GAB1: variants seen among roughly 807,000 people sequenced by gnomAD.
The protein encoded by GAB1 is GRB2-associated-binding protein 1.
In GAB1, 19 loss-of-function variants were observed where a neutral mutation model predicts 66.5. The observed-to-expected ratio is 0.29, with a 90% CI of 0.20 to 0.42. The LOEUF is 0.42. Among genes scored for constraint, GAB1 ranks in the 10% least tolerant of loss-of-function variants. The probability of loss-of-function intolerance (pLI) is 1.00; values close to 1 mark genes in which losing one functional copy is unlikely to be tolerated. For missense variants in GAB1, 732 were observed against 858.5 expected, an observed-to-expected ratio of 0.85 and a Z score of 1.84; for synonymous variants, 294 against 301.4, an observed-to-expected ratio of 0.98 and a Z score of 0.25.
chr4:143,460,044 T>C (rs1735405039), intron 7 of GAB1, among the ~76,000 whole-genome samples: 1 of 152,024 alleles, frequency 6.6e-6, no homozygotes, highest in Non-Finnish European at 1.5e-5. Flanking sequence ...TGTGTGTATA[T>C]AGTTTTTAAA....
chr4:143,344,112 G>T (rs554550425), intron 1 of GAB1, among the ~76,000 whole-genome samples: 2 of 152,212 alleles, frequency 1.3e-5, no homozygotes, highest in Non-Finnish European at 2.9e-5. Context: ...GTTTACAACA[G>T]AGAGGGAGCA....
intron 2 of GAB1, among the ~76,000 whole-genome samples, chr4:143,428,687 A>G (rs1733490762): frequency 6.6e-6 from 1 of 152,106 alleles, no homozygotes; most frequent in Non-Finnish European, 1.5e-5. Flanking sequence ...AAAAACAACT[A>G]ATGGGTCTAG....
intron 1 of GAB1, among the ~76,000 whole-genome samples, chr4:143,412,180 A>G (rs1025222039): frequency 9.2e-5 from 14 of 152,148 alleles, no homozygotes; most frequent in African/African-American, 3.4e-4. Context: ...GATGGGGGGG[A>G]GCCACAGTTA....
At chr4:143,411,714 T>C (rs1732401795) in intron 1 of GAB1, among the ~76,000 whole-genome samples, 1 of 152,236 alleles carries the variant, frequency 6.6e-6, no homozygotes, top group Non-Finnish European at 1.5e-5. Flanking sequence ...GCTTTTGTGC[T>C]GTGATTAGCA....
At chr4:143,436,183 A>G (rs936096883) in intron 3 of GAB1, among the ~76,000 whole-genome samples, 1 of 152,216 alleles carries the variant, frequency 6.6e-6, no homozygotes, top group Admixed American at 6.5e-5. Context: ...AACTACACCT[A>G]GTTGGTGAGA....
At chr4:143,339,288 C>T (rs1217065226) in intron 1 of GAB1, among the ~76,000 whole-genome samples, 1 of 152,162 alleles carries the variant, frequency 6.6e-6, no homozygotes, top group Non-Finnish European at 1.5e-5. Context: ...AGGCCGAGGC[C>T]AGTGGATCAC....
intron 1 of GAB1, among the ~76,000 whole-genome samples, chr4:143,410,049 C>CT (rs924263767): frequency 9.4e-4 from 133 of 142,172 alleles, no homozygotes; most frequent in East Asian, 4.9e-3. Context: ...AAACCCCAAG[C>CT]TTTTTTTTTT....
chr4:143,423,792 GTATATATATATATATATA>G (rs35559967), intron 2 of GAB1, among the ~76,000 whole-genome samples: 3,304 of 67,758 alleles, frequency 0.049, 172 homozygotes, highest in Middle Eastern at 0.12. Flanking sequence ...AAAAAAAAGT[GTATATATATATATATATA>G]TATATATATA....
chr4:143,395,186 T>C (rs1199549159), intron 1 of GAB1: 1 of 152,254 alleles, frequency 6.6e-6, no homozygotes, highest in African/African-American at 2.4e-5. Context: ...ATTTTTAGCA[T>C]TTATAGAATT....
At chr4:143,446,157 T>A (rs1232428744) in intron 6 of GAB1, among the ~76,000 whole-genome samples, 1 of 151,960 alleles carries the variant, frequency 6.6e-6, no homozygotes, top group Non-Finnish European at 1.5e-5. Flanking sequence ...TATTCCATGG[T>A]GTATATGTGC....
At chr4:143,347,044 A>G (rs981436901) in intron 1 of GAB1, among the ~76,000 whole-genome samples, 7 of 152,258 alleles carry the variant, frequency 4.6e-5, no homozygotes, top group African/African-American at 1.7e-4. Flanking sequence ...GTTGATTTTC[A>G]TAGTGACCCA....
intron 6 of GAB1, among the ~76,000 whole-genome samples, chr4:143,455,017 G>A (rs1048614916): frequency 1.3e-5 from 2 of 151,912 alleles, no homozygotes; most frequent in Admixed American, 1.3e-4. Context: ...TTCATAGGCC[G>A]TGATCATTCT....
At chr4:143,355,475 A>C (rs954059100) in intron 1 of GAB1, among the ~76,000 whole-genome samples, 2 of 152,124 alleles carry the variant, frequency 1.3e-5, no homozygotes, top group African/African-American at 4.8e-5. Flanking sequence ...TGACCATCTT[A>C]ATCATTTTTA....
intron 9 of GAB1, among the ~76,000 whole-genome samples, chr4:143,468,400 A>T (rs998172264): frequency 6.6e-6 from 1 of 150,700 alleles, no homozygotes; most frequent in Non-Finnish European, 1.5e-5. Flanking sequence ...TTTTTAGTAG[A>T]GATGGGATTT....
chr4:143,440,042 G>GT (rs1372074681), intron 5 of GAB1, 37 bp from the exon 6 acceptor site: 1 of 1,567,382 alleles, frequency 6.4e-7, no homozygotes, highest in Admixed American at 1.8e-5. Flanking sequence ...TGTGACAAGA[G>GT]TTTTTGTTTA....
At chr4:143,347,281 C>T (rs1352443771) in intron 1 of GAB1, among the ~76,000 whole-genome samples, 1 of 152,204 alleles carries the variant, frequency 6.6e-6, no homozygotes, top group African/African-American at 2.4e-5. Context: ...TCCAATGTTT[C>T]TTAACCTTTT....
intron 6 of GAB1, among the ~76,000 whole-genome samples, chr4:143,441,653 T>C (rs1734246209): frequency 6.6e-6 from 1 of 152,190 alleles, no homozygotes; most frequent in Non-Finnish European, 1.5e-5. Context: ...TTCTGTTTTA[T>C]GGGAAATCTT....
chr4:143,403,524 T>G (rs1437876208), intron 1 of GAB1, among the ~76,000 whole-genome samples: 1 of 152,264 alleles, frequency 6.6e-6, no homozygotes, highest in African/African-American at 2.4e-5. Context: ...GCAATCGTCT[T>G]TCTTGTATGG....
At chr4:143,455,672 C>T (rs193052344) in intron 6 of GAB1, among the ~76,000 whole-genome samples, 1 of 152,254 alleles carries the variant, frequency 6.6e-6, no homozygotes, top group East Asian at 1.9e-4. Flanking sequence ...TAGATGTCCC[C>T]CCAAGCCACA....
Sources: gnomAD v4.1 joint callset for allele counts (sites outside exome capture counted in the v4.1 genomes callset) on GRCh38, gnomAD v4.1.1 for gene constraint, MANE v1.5 for transcripts, NCBI Gene and HGNC (gene_info 2026-07-23, HGNC 2026-07-21) for gene names.